ZFPM1: variants seen among roughly 807,000 people sequenced by gnomAD.
The protein encoded by ZFPM1 is zinc finger protein, FOG family member 1.
In ZFPM1, 28 loss-of-function variants were observed where a neutral mutation model predicts 46.3. That is an observed-to-expected ratio of 0.60 (90% CI 0.45 to 0.83). ZFPM1 has a LOEUF of 0.83. Ranked by LOEUF, ZFPM1 falls within the 40% of genes least tolerant of loss-of-function variation. The probability of loss-of-function intolerance (pLI) is 0.00; values close to 1 mark genes in which losing one functional copy is unlikely to be tolerated. For missense variants in ZFPM1, 1,878 were observed against 1,432.4 expected, an observed-to-expected ratio of 1.31 and a Z score of -5.02; for synonymous variants, 957 against 675.9, an observed-to-expected ratio of 1.42 and a Z score of -6.45.
intron 1 of ZFPM1, among the ~76,000 whole-genome samples, chr16:88,474,114 C>T (rs375689039): frequency 3.3e-5 from 5 of 152,318 alleles, no homozygotes; most frequent in East Asian, 1.9e-4. Flanking sequence ...ACTTGGCAGG[C>T]GGCGGCTCCG....
chr16:88,507,850 C>T (rs985999658), intron 3 of ZFPM1, among the ~76,000 whole-genome samples: 2 of 152,184 alleles, frequency 1.3e-5, no homozygotes, highest in Non-Finnish European at 2.9e-5. Flanking sequence ...CCACAGCCCT[C>T]CTGGGAGGAT....
At chr16:88,504,811 G>C (rs557825147) in intron 3 of ZFPM1, among the ~76,000 whole-genome samples, 5 of 152,236 alleles carry the variant, frequency 3.3e-5, no homozygotes, top group African/African-American at 1.2e-4. Context: ...TGAAAGGGCA[G>C]TTCTGGGCCT....
At chr16:88,504,148 G>A (rs1910526976) in intron 3 of ZFPM1, among the ~76,000 whole-genome samples, 1 of 152,062 alleles carries the variant, frequency 6.6e-6, no homozygotes, top group South Asian at 2.1e-4. Context: ...CAAATGAACA[G>A]GCTGAGCAGG....
chr16:88,525,464 G>T (rs761587487), intron 4 of ZFPM1, among the ~76,000 whole-genome samples: 1 of 152,248 alleles, frequency 6.6e-6, no homozygotes, highest in Non-Finnish European at 1.5e-5. Context: ...TCAGGCAAAG[G>T]TCATGGTGCA....
In ZFPM1 at chr16:88,528,258, C is replaced by G; in HGVS notation, c.712+20C>G. On this transcript the variant is annotated intron_variant, in intron 6 of 9. Transcript: ENST00000319555. Reference sequence around the variant, plus strand: ...TCAACAGTAAGTGCTGGGCTCTCCGCACCCAGGGCGGCTGCTCCACCAAGG... The same window carrying G: ...TCAACAGTAAGTGCTGGGCTCTCCGGACCCAGGGCGGCTGCTCCACCAAGG... 1.3e-6 allele frequency: 2 copies of G among 1,573,404 alleles called. No individual in the cohort carries two copies. The highest frequency in any genetic ancestry group is 1.7e-6 in the Non-Finnish European group (2 of 1,154,640).
At chr16:88,478,987 G>T (rs34442094) in intron 1 of ZFPM1, among the ~76,000 whole-genome samples, 61,192 of 152,140 alleles carry the variant, frequency 0.4, 12,690 homozygotes, top group East Asian at 0.55. Context: ...CTCCGAGGGC[G>T]TGTGCCGAGC....
At chr16:88,519,097 T>G (rs1261961729) in intron 4 of ZFPM1, among the ~76,000 whole-genome samples, 1,048 of 39,290 alleles carry the variant, frequency 0.027, no homozygotes, top group African/African-American at 0.029. Context: ...TGGCTGAGAG[T>G]GTGGGTGGAT....
At position 88,533,475 on chromosome 16, in the gene ZFPM1, G is replaced by A; in HGVS notation, c.1517G>A (p.Ser506Asn). The change falls in exon 10 of 10, where the codon AGC becomes AAC. Residue 506 changes from serine to asparagine, a missense_variant. Coordinates refer to ENST00000319555, the MANE Select transcript of ZFPM1 (RefSeq NM_153813.3). Reference sequence around the variant, plus strand: ...GCCAGGGTCAAGGCCGAGCTGTCCAGCCCCACGCCGGGCTCCAGCCCGGTG... The same window carrying A: ...GCCAGGGTCAAGGCCGAGCTGTCCAACCCCACGCCGGGCTCCAGCCCGGTG... ...APARVKAELS[S>N]PTPGSSPVPG... 1 of 1,407,442 alleles carries A rather than the reference G, an allele frequency of 7.1e-7. No homozygotes were observed. Among genetic ancestry groups the A allele is most frequent in the Admixed American group, 3.3e-5 (1 of 30,366 alleles). The allele number at this position is 1,407,442 out of a possible 1,614,324, so 87.2% of individuals were successfully genotyped here.
chr16:88,453,123 A>T (rs1488973637), upstream of ZFPM1, among the ~76,000 whole-genome samples: 2 of 146,736 alleles, frequency 1.4e-5, no homozygotes, highest in African/African-American at 5.0e-5. Context: ...CAGAGCAACG[A>T]AGAGCCGGGC....
chr16:88,501,212 G>A (rs1453282858), intron 3 of ZFPM1, among the ~76,000 whole-genome samples: 53 of 126,688 alleles, frequency 4.2e-4, no homozygotes, highest in African/African-American at 1.5e-3. Context: ...TGGTGATGAT[G>A]GAGATAGCGG....
At chr16:88,515,826 A>G (rs1105368) in intron 4 of ZFPM1, among the ~76,000 whole-genome samples, 10,553 of 152,292 alleles carry the variant, frequency 0.069, 455 homozygotes, top group South Asian at 0.12. Context: ...TGAGCTCCCC[A>G]TCACTGTACG....
chr16:88,494,413 C>T (rs1909808534), intron 3 of ZFPM1, among the ~76,000 whole-genome samples: 1 of 152,126 alleles, frequency 6.6e-6, no homozygotes, highest in African/African-American at 2.4e-5. Context: ...GGGGTTGTTG[C>T]AGTGCGGCCC....
intron 2 of ZFPM1, among the ~76,000 whole-genome samples, chr16:88,487,111 C>T (rs943252421): frequency 6.0e-4 from 92 of 152,216 alleles, no homozygotes; most frequent in African/African-American, 2.1e-3. Context: ...GACAGTTAAC[C>T]TGCCATAAGG....
Position 88,528,136 on chromosome 16 carries a change from A to G in ZFPM1, c.610A>G (p.Lys204Glu), listed in dbSNP as rs753525901. The change falls in exon 6 of 10, where the codon AAG becomes GAG. Residue 204 changes from lysine to glutamate, a missense_variant. Lys to Glu is a moderately conservative substitution (Grantham distance 56, BLOSUM62 1). Transcript: ENST00000319555. ...PHSTPGHPVKKEPAEPTCPAP... is the reference protein window; with the variant it reads ...PHSTPGHPVKEEPAEPTCPAP... Reference sequence around the variant, plus strand: ...CAGCACCCCCGGCCACCCTGTGAAGAAGGAGCCAGCAGAGCCCACGTGCCC... The same window carrying G: ...CAGCACCCCCGGCCACCCTGTGAAGGAGGAGCCAGCAGAGCCCACGTGCCC... 4.9e-5 allele frequency: 78 copies of G among 1,600,794 alleles called. No homozygotes were observed. The highest frequency in any genetic ancestry group is 6.1e-5 in the Non-Finnish European group (72 of 1,175,272).
In ZFPM1 at chr16:88,534,376, C is replaced by T. The variant is rs771681448; in HGVS notation, c.2418C>T (p.Pro806=). Reference sequence around the variant, plus strand: ...GCAAGAAGCCGCGGCGCCCGCTCCCCGGAGCCCCGGCACCGGCGCTGGCCG... The same window carrying T: ...GCAAGAAGCCGCGGCGCCCGCTCCCTGGAGCCCCGGCACCGGCGCTGGCCG... ...DLSKKPRRPL[P]GAPAPALADY... Residue 806 remains proline (P), a synonymous_variant, in exon 10 of 10, where the codon CCC becomes CCT. Transcript: ENST00000319555. 175 of 1,449,666 alleles carry T rather than the reference C, an allele frequency of 1.2e-4. No homozygotes were observed. Among genetic ancestry groups the T allele is most frequent in the Non-Finnish European group, 1.5e-4 (168 of 1,105,652 alleles). 89.8% of individuals were successfully genotyped at this position (1,449,666 alleles called of 1,614,324 possible). A position where few individuals can be genotyped will look rare whatever the true frequency, so the allele number is the denominator to read the frequency against.
At position 88,533,940 on chromosome 16, in the gene ZFPM1, G is replaced by GGGGCAGCGA; in HGVS notation, c.1990_1998dup (p.Glu664_Ser666dup). Reference sequence around the variant, plus strand: ...ACGCCCGAGGACGGCGCGGGCGGCCGGGGCAGCGAGGGCAGCCAGAGCCCG... The same window carrying GGGGCAGCGA: ...ACGCCCGAGGACGGCGCGGGCGGCCGGGGCAGCGAGGGCAGCGAGGGCAGCCAGAGCCCG... On this transcript the variant is annotated inframe_insertion, in exon 10 of 10. Transcript: ENST00000319555. The GGGGCAGCGA allele has an allele frequency of 7.9e-7, 1 of 1,265,232 alleles. No individual in the cohort carries two copies. The highest frequency in any genetic ancestry group is 1.0e-6 in the Non-Finnish European group (1 of 985,398). The allele number at this position is 1,265,232 out of a possible 1,614,324, so 78.4% of individuals were successfully genotyped here.
At chr16:88,510,064 T>G (rs1009323783) in intron 3 of ZFPM1, among the ~76,000 whole-genome samples, 2 of 152,050 alleles carry the variant, frequency 1.3e-5, no homozygotes, top group Non-Finnish European at 2.9e-5. Flanking sequence ...TCAGCCCATC[T>G]GGGCAGCTAG....
intron 4 of ZFPM1, among the ~76,000 whole-genome samples, chr16:88,524,298 A>G (rs965130846): frequency 6.6e-6 from 1 of 152,040 alleles, no homozygotes; most frequent in Non-Finnish European, 1.5e-5. Context: ...GCCGCCGGTC[A>G]CCCACCTTTG....
At chr16:88,490,329 G>T (rs964973452) in intron 3 of ZFPM1, among the ~76,000 whole-genome samples, 7 of 152,254 alleles carry the variant, frequency 4.6e-5, no homozygotes, top group South Asian at 2.1e-4. Context: ...TGGGATTACA[G>T]GCGTGAGCCA....
Sources: allele counts gnomAD v4.1 joint callset (sites outside exome capture counted in the v4.1 genomes callset), GRCh38; gene constraint gnomAD v4.1.1; transcripts MANE v1.5; gene names NCBI Gene and HGNC (gene_info 2026-07-23, HGNC 2026-07-21).